Variants in PIK3AP1 observed in about 807,000 individuals in gnomAD.
PIK3AP1 encodes the protein phosphoinositide-3-kinase adaptor protein 1, also known as phosphoinositide 3-kinase adapter protein 1.
A neutral mutation model predicts 88.1 loss-of-function variants in PIK3AP1; 21 were observed. The ratio of observed to expected loss-of-function variants is 0.24; its 90% CI spans 0.17 to 0.34. The LOEUF (loss-of-function observed/expected upper bound fraction) is 0.34, where lower values mean the gene tolerates loss of function less well. Among genes scored for constraint, PIK3AP1 ranks in the 10% least tolerant of loss-of-function variants. PIK3AP1 has a pLI of 1.00. For missense variants in PIK3AP1, 828 were observed against 1,035.7 expected (o/e 0.80, Z 2.75); for synonymous variants, 398 against 400.0 (o/e 1.00, Z 0.06).
Position 96,714,147 on chromosome 10 carries a change from C to G in PIK3AP1, c.14-4164G>C, listed in dbSNP as rs553947343. Among the ~76,000 whole-genome samples the G allele has an allele frequency of 1.2e-4, 18 of 151,704 alleles. 1 individual carries two copies. In the South Asian group the frequency reaches 3.5e-3, roughly 30 times the overall value. ...TGAGATCGTGCCATTGCACTCCAGC[C>G]TGGGTAATAACAGCGAAACTCCGTC... On this transcript the variant is annotated intron_variant, in intron 1 of 16. Coordinates refer to ENST00000339364, the MANE Select transcript of PIK3AP1 (RefSeq NM_152309.3).
chr10:96,608,970 G>A (rs907868574), intron 14 of PIK3AP1, among the ~76,000 whole-genome samples: 2 of 152,174 alleles, frequency 1.3e-5, no homozygotes, highest in Non-Finnish European at 2.9e-5. Context: ...TCTGGAGTCA[G>A]CTAACACTGC....
chr10:96,684,272 T>C (rs1231619115), intron 2 of PIK3AP1, among the ~76,000 whole-genome samples: 3 of 152,252 alleles, frequency 2.0e-5, no homozygotes, highest in African/African-American at 4.8e-5. Context: ...GTTGCCAAAG[T>C]ATCTTACATG....
chr10:96,610,589 G>A (rs1286259616), intron 13 of PIK3AP1, among the ~76,000 whole-genome samples: 1 of 152,132 alleles, frequency 6.6e-6, no homozygotes, highest in East Asian at 1.9e-4. Flanking sequence ...GACCCCGAAA[G>A]CTAATGAAAG....
At chr10:96,603,901 C>T (rs1848953060) in intron 15 of PIK3AP1, 78 bp downstream of exon 15, 7 of 1,322,698 alleles carry the variant, frequency 5.3e-6, no homozygotes, top group Admixed American at 2.5e-5. Context: ...GTGCCTGGCT[C>T]CTTTCACCTG....
At position 96,604,165 on chromosome 10, in the gene PIK3AP1, T is replaced by TG. The variant is rs1011595171; in HGVS notation, c.2171-117dup. On this transcript the variant is annotated intron_variant, in intron 14 of 16. Transcript: ENST00000339364. ...ATAAATAATACATAAGCTGTAAGTA[T>TG]GGGGTTCTTCAAACTTTGGCCATCT... 14 of 870,298 alleles carry TG rather than the reference T, an allele frequency of 1.6e-5. No homozygotes were observed. The Admixed American group carries it at 2.8e-4, about 17-fold the overall frequency. 53.9% of individuals were successfully genotyped at this position (870,298 alleles called of 1,614,324 possible). A position where few individuals can be genotyped will look rare whatever the true frequency, so the allele number is the denominator to read the frequency against.
intron 2 of PIK3AP1, among the ~76,000 whole-genome samples, chr10:96,687,280 A>G (rs7094048): frequency 0.45 from 54,867 of 121,270 alleles, 11,780 homozygotes; most frequent in Middle Eastern, 0.59. Context: ...AAAAAAAAAA[A>G]AAAAAGAAAA....
chr10:96,616,515 T>C, intron 13 of PIK3AP1, 124 bp downstream of exon 13: 1 of 979,320 alleles, frequency 1.0e-6, no homozygotes, highest in Non-Finnish European at 1.6e-6. Flanking sequence ...GACCCAGATC[T>C]GTAAACAGTA....
chr10:96,616,597 A>C, intron 13 of PIK3AP1, 42 bp downstream of exon 13: 1 of 1,594,004 alleles, frequency 6.3e-7, no homozygotes, highest in South Asian at 1.1e-5. Flanking sequence ...AACAGATGAC[A>C]GCAATGTCCC....
chr10:96,659,397 C>A (rs975695469), intron 2 of PIK3AP1, among the ~76,000 whole-genome samples: 1 of 152,144 alleles, frequency 6.6e-6, no homozygotes, highest in Non-Finnish European at 1.5e-5. Flanking sequence ...CAGGTATAAC[C>A]TCTTTGGGAT....
intron 2 of PIK3AP1, among the ~76,000 whole-genome samples, chr10:96,676,700 TGA>T (rs1843926615): frequency 6.6e-6 from 1 of 150,838 alleles, no homozygotes; most frequent in Non-Finnish European, 1.5e-5. Flanking sequence ...TTATTCCAAC[TGA>T]AAGAGTCCAA....
intron 2 of PIK3AP1, among the ~76,000 whole-genome samples, chr10:96,679,069 G>A (rs141693120): frequency 6.8e-4 from 103 of 152,300 alleles, no homozygotes; most frequent in African/African-American, 2.3e-3. Context: ...ACTTTAGTAA[G>A]AATTATTTTT....
At chr10:96,635,975 AG>A (rs1248728556) in intron 8 of PIK3AP1, among the ~76,000 whole-genome samples, 2 of 152,100 alleles carry the variant, frequency 1.3e-5, no homozygotes, top group South Asian at 2.1e-4. Flanking sequence ...TGGGAGGCCG[AG>A]GGGGGTGGAT....
Position 96,720,198 on chromosome 10 carries a change from G to A in PIK3AP1, c.13+184C>T, listed in dbSNP as rs1382717033. On this transcript the variant is annotated intron_variant, in intron 1 of 16. Transcript: ENST00000339364. The surrounding 1 kb of genome is among the most constrained non-coding windows in gnomAD (Gnocchi z 4.6). ...TGAAGAGAATCGCGCCACAGGCTGGGACGGGAAACGTGGGAAAGTTGGAGT... is the reference window on the plus strand; with the variant it reads ...TGAAGAGAATCGCGCCACAGGCTGGAACGGGAAACGTGGGAAAGTTGGAGT... 6.6e-6 allele frequency among the ~76,000 whole-genome samples: 1 copy of A among 152,216 alleles called. No homozygotes were observed. The highest frequency in any genetic ancestry group is 6.5e-5 in the Admixed American group (1 of 15,286).
intron 8 of PIK3AP1, among the ~76,000 whole-genome samples, chr10:96,636,141 C>T (rs1224983512): frequency 1.3e-4 from 20 of 151,994 alleles, no homozygotes; most frequent in Admixed American, 2.6e-4. Context: ...TGCTTGAACC[C>T]GGGAGGCAGA....
chr10:96,606,014 C>G (rs1271993453), intron 14 of PIK3AP1, among the ~76,000 whole-genome samples: 1 of 152,160 alleles, frequency 6.6e-6, no homozygotes, highest in African/African-American at 2.4e-5. Flanking sequence ...ACCCGGGAGG[C>G]AGAGATTGCA....
intron 1 of PIK3AP1, among the ~76,000 whole-genome samples, chr10:96,715,518 G>T (rs1003803872): frequency 3.9e-5 from 6 of 152,148 alleles, no homozygotes; most frequent in African/African-American, 1.4e-4. Flanking sequence ...ACTGGATGTG[G>T]TCTATATGAG....
intron 1 of PIK3AP1, among the ~76,000 whole-genome samples, chr10:96,718,329 A>G (rs1422788842): frequency 6.6e-6 from 1 of 152,248 alleles, no homozygotes; most frequent in Non-Finnish European, 1.5e-5. Context: ...AGCTGCTTTT[A>G]AAAGAAAAGA....
intron 14 of PIK3AP1, among the ~76,000 whole-genome samples, chr10:96,604,436 G>A (rs1164639238): frequency 7.8e-5 from 11 of 141,840 alleles, no homozygotes; most frequent in Admixed American, 1.6e-4. Context: ...GGGCTCAAGC[G>A]ATCCTCCTGC....
chr10:96,705,709 A>G (rs1005952348), intron 2 of PIK3AP1, among the ~76,000 whole-genome samples: 5 of 151,150 alleles, frequency 3.3e-5, no homozygotes, highest in African/African-American at 1.2e-4. Flanking sequence ...CAGCCTCCCA[A>G]GTAGCTAGGA....
Sources: gnomAD v4.1 joint callset for allele counts (sites outside exome capture counted in the v4.1 genomes callset) on GRCh38, gnomAD v4.1.1 for gene constraint, Gnocchi (gnomAD v3.1) non-coding constraint, MANE v1.5 for transcripts, NCBI Gene and HGNC (gene_info 2026-07-23, HGNC 2026-07-21) for gene names.